The following PTAFR variants were observed in gnomAD, a reference collection of about 807,000 sequenced individuals.
PTAFR encodes platelet activating factor receptor, also known as platelet-activating factor receptor.
In PTAFR, 8 loss-of-function variants were observed where a neutral mutation model predicts 14.7. The observed-to-expected ratio is 0.54, with a 90% CI of 0.32 to 0.98. The LOEUF (loss-of-function observed/expected upper bound fraction) is 0.98. Ranked by LOEUF, PTAFR falls within the 50% of genes least tolerant of loss-of-function variation. The pLI is 0.04. For synonymous variants in PTAFR, 156 were observed against 176.5 expected (o/e 0.88, Z 0.92); for missense variants, 337 against 451.2 (o/e 0.75, Z 2.29).
At chr1:28,175,685 G>GC (rs1646505537) in intron 1 of PTAFR, among the ~76,000 whole-genome samples, 2 of 151,954 alleles carry the variant, frequency 1.3e-5, no homozygotes, top group Admixed American at 6.6e-5. Flanking sequence ...TGTGGGCTTG[G>GC]CCCTGTGTAT....
intron 1 of PTAFR, among the ~76,000 whole-genome samples, chr1:28,171,206 C>G (rs1401619356): frequency 1.3e-5 from 2 of 151,426 alleles, no homozygotes; most frequent in Admixed American, 6.6e-5. Context: ...ATCTGTAATC[C>G]CAGCTACATG....
chr1:28,184,784 C>T (rs904582697), intron 1 of PTAFR, among the ~76,000 whole-genome samples: 4 of 151,808 alleles, frequency 2.6e-5, no homozygotes, highest in Non-Finnish European at 5.9e-5. Context: ...GCATTACAGG[C>T]GTGCACCACC....
At chr1:28,161,209 C>T (rs749487012) in intron 1 of PTAFR, among the ~76,000 whole-genome samples, 4 of 152,136 alleles carry the variant, frequency 2.6e-5, no homozygotes, top group Admixed American at 6.6e-5. Flanking sequence ...TTTGGACTTC[C>T]GTAGCTCATA....
intron 1 of PTAFR, among the ~76,000 whole-genome samples, chr1:28,165,174 G>C (rs1289740612): frequency 2.0e-5 from 3 of 152,094 alleles, no homozygotes; most frequent in Non-Finnish European, 4.4e-5. Flanking sequence ...GGAGGCTGAG[G>C]CAGGCAGATC....
At position 28,149,801 on chromosome 1, in the gene PTAFR, G is replaced by A. The variant is rs1646157323; in HGVS notation, c.*192C>T. The A allele has an allele frequency of 3.0e-6, 2 of 660,748 alleles. No homozygotes were observed. Among genetic ancestry groups the A allele is most frequent in the South Asian group, 2.0e-5 (1 of 49,196 alleles). The allele number at this position is 660,748 out of a possible 1,614,324, so 40.9% of individuals were successfully genotyped here. On this transcript the variant is annotated 3_prime_UTR_variant, in exon 2 of 2. Transcript: ENST00000373857. ...GTATGCGCCCACAGGCGGATGAAGG[G>A]GCTCATTTGAGTTCTGGATTTTCCA...
At chr1:28,162,623 C>T (rs931978931) in intron 1 of PTAFR, among the ~76,000 whole-genome samples, 45 of 151,956 alleles carry the variant, frequency 3.0e-4, no homozygotes, top group African/African-American at 1.0e-3. Context: ...GTCAGGAGTT[C>T]GAGACCAGCC....
At chr1:28,180,489 T>C (rs1047485359), upstream of PTAFR, among the ~76,000 whole-genome samples, 1 of 152,170 alleles carries the variant, frequency 6.6e-6, no homozygotes, top group Non-Finnish European at 1.5e-5. Flanking sequence ...TGACATCTTA[T>C]CGGCACCGCC....
At chr1:28,155,025 T>A (rs1413712283) in intron 1 of PTAFR, among the ~76,000 whole-genome samples, 1 of 152,038 alleles carries the variant, frequency 6.6e-6, no homozygotes, top group East Asian at 1.9e-4. Flanking sequence ...CAGATGGCCC[T>A]TGCCCTGACC....
intron 1 of PTAFR, among the ~76,000 whole-genome samples, chr1:28,174,580 T>G (rs959319836): frequency 2.0e-5 from 3 of 152,168 alleles, no homozygotes; most frequent in Admixed American, 6.5e-5. Context: ...GAAAGGATTT[T>G]CCCAAGGTGA....
upstream of PTAFR, among the ~76,000 whole-genome samples, chr1:28,179,469 C>T (rs1431723140): frequency 6.6e-6 from 1 of 152,172 alleles, no homozygotes; most frequent in African/African-American, 2.4e-5. Flanking sequence ...AACTCTTTCT[C>T]TCACACCCCA....
At chr1:28,152,451 A>G (rs1646204806) in intron 1 of PTAFR, among the ~76,000 whole-genome samples, 1 of 152,000 alleles carries the variant, frequency 6.6e-6, no homozygotes, top group African/African-American at 2.4e-5. Flanking sequence ...AAAACACAAA[A>G]AATCAGCTGG....
chr1:28,158,297 C>T (rs1646288603), intron 1 of PTAFR, among the ~76,000 whole-genome samples: 2 of 152,090 alleles, frequency 1.3e-5, no homozygotes, highest in South Asian at 2.1e-4. Flanking sequence ...CAGGGGACTG[C>T]GGGACAGAGG....
At chr1:28,160,260 G>A (rs888733963) in intron 1 of PTAFR, among the ~76,000 whole-genome samples, 2 of 151,488 alleles carry the variant, frequency 1.3e-5, no homozygotes, top group Non-Finnish European at 2.9e-5. Context: ...AGACATTTGG[G>A]AAAACTCAAA....
chr1:28,151,275 G>C (rs1384765046), intron 1 of PTAFR, among the ~76,000 whole-genome samples: 7 of 152,016 alleles, frequency 4.6e-5, no homozygotes, highest in Non-Finnish European at 8.8e-5. Context: ...CGCCTCCCGG[G>C]TTCAAGCGAT....
chr1:28,184,999 C>G (rs1168373788), intron 1 of PTAFR, among the ~76,000 whole-genome samples: 4 of 152,066 alleles, frequency 2.6e-5, no homozygotes, highest in Admixed American at 2.6e-4. Context: ...CTCAGACACT[C>G]AAAGTTAGGT....
intron 1 of PTAFR, among the ~76,000 whole-genome samples, chr1:28,163,162 A>C (rs539972023): frequency 6.6e-6 from 1 of 152,172 alleles, no homozygotes; most frequent in Non-Finnish European, 1.5e-5. Flanking sequence ...ACTCATCTTA[A>C]GACCTAATCT....
intron 1 of PTAFR, among the ~76,000 whole-genome samples, chr1:28,188,922 T>C (rs1221070295): frequency 7.5e-6 from 1 of 133,292 alleles, no homozygotes. Context: ...CCGAGAAATA[T>C]AAAAATATAG....
chr1:28,191,602 G>A (rs913240691), intron 1 of PTAFR, among the ~76,000 whole-genome samples: 20 of 152,006 alleles, frequency 1.3e-4, no homozygotes, highest in African/African-American at 4.8e-4. Flanking sequence ...GAGAGAGAGA[G>A]AGAGAGAGAG....
chr1:28,149,926 T>A lies in PTAFR; in HGVS notation c.*67A>T. 2.6e-6 allele frequency: 4 copies of A among 1,539,852 alleles called. No homozygotes were observed. The highest frequency in any genetic ancestry group is 3.5e-6 in the Non-Finnish European group (4 of 1,138,040). On this transcript the variant is annotated 3_prime_UTR_variant, in exon 2 of 2. Coordinates refer to ENST00000373857, the MANE Select transcript of PTAFR (RefSeq NM_000952.5). ...GGTGGTGCCCAGACCACAGTAGATA[T>A]CCCTTCTTCCCCCAGCTCAGTCCAT...
Sources: allele counts gnomAD v4.1 joint callset (sites outside exome capture counted in the v4.1 genomes callset), GRCh38; gene constraint gnomAD v4.1.1; transcripts MANE v1.5; gene names NCBI Gene and HGNC (gene_info 2026-07-23, HGNC 2026-07-21).